The following SLC17A8 variants were observed in gnomAD, a reference collection of about 807,000 sequenced individuals.
SLC17A8 encodes the protein solute carrier family 17 member 8.
In SLC17A8, 31 loss-of-function variants were observed where a neutral mutation model predicts 58.0. That is an observed-to-expected ratio of 0.53 (90% CI 0.40 to 0.72). SLC17A8 has a LOEUF of 0.72. Among genes scored for constraint, SLC17A8 ranks in the 30% least tolerant of loss-of-function variants. The probability of loss-of-function intolerance (pLI) is 0.00; values close to 1 mark genes in which losing one functional copy is unlikely to be tolerated. For synonymous variants in SLC17A8, 228 were observed against 249.0 expected (o/e 0.92, Z 0.79); for missense variants, 655 against 727.8 (o/e 0.90, Z 1.15).
intron 5 of SLC17A8, among the ~76,000 whole-genome samples, chr12:100,400,411 TAC>T (rs540665845): frequency 1.3e-5 from 2 of 152,304 alleles, no homozygotes; most frequent in East Asian, 3.9e-4. Context: ...CATCTTCACA[TAC>T]ATAGTTTATT....
rs2136007216 is a variant in SLC17A8, at chr12:100,404,081, T to C, written c.1097T>C (p.Val366Ala). Residue 366 changes from valine (V) to alanine (A), a missense_variant, in exon 9 of 12, where the codon GTT becomes GCT. Transcript: ENST00000323346. ...GTCCCACACATGGTTATGACAATCG[T>C]TGTACCTATTGGAGGACAATTGGCT... ...SAVPHMVMTI[V>A]VPIGGQLADY... is the part of the protein sequence containing the mutation. The C allele has an allele frequency of 6.2e-7, 1 of 1,614,204 alleles. No individual in the cohort carries two copies. Among genetic ancestry groups the C allele is most frequent in the Non-Finnish European group, 8.5e-7 (1 of 1,180,028 alleles).
At chr12:100,414,335 A>G (rs1019986319) in intron 10 of SLC17A8, among the ~76,000 whole-genome samples, 4 of 152,244 alleles carry the variant, frequency 2.6e-5, no homozygotes, top group Non-Finnish European at 4.4e-5. Flanking sequence ...AATAGAGTTG[A>G]TGAATAAATT....
rs1162222504 is a variant in SLC17A8, at chr12:100,396,335, G to GTCAC, written c.594_595insTCAC (p.Thr199SerfsTer12). On this transcript the variant is annotated frameshift_variant, in exon 5 of 12. Coordinates refer to ENST00000323346, the MANE Select transcript of SLC17A8 (RefSeq NM_139319.3). LOFTEE classifies it high-confidence loss of function. ...ATTTTCAACTCTTCTGCCAGGGTGT[G>GTCAC]ACCTACCCAGCCTGCCATGGGATGT... The GTCAC allele has an allele frequency of 6.2e-7, 1 of 1,613,908 alleles. No homozygotes were observed. The highest frequency in any genetic ancestry group is 8.5e-7 in the Non-Finnish European group (1 of 1,179,848).
intron 2 of SLC17A8, among the ~76,000 whole-genome samples, chr12:100,383,755 G>C (rs1952653153): frequency 6.6e-6 from 1 of 151,284 alleles, no homozygotes; most frequent in African/African-American, 2.4e-5. Context: ...CCAGGCTTTA[G>C]TGAAGTGGTG....
intron 10 of SLC17A8, among the ~76,000 whole-genome samples, chr12:100,416,201 T>C (rs1952905635): frequency 6.6e-6 from 1 of 152,246 alleles, no homozygotes; most frequent in Admixed American, 6.5e-5. Context: ...GTCAGGATTG[T>C]GCAGCTAGAA....
At chr12:100,391,144 T>C (rs1375690025) in intron 3 of SLC17A8, 25 bp downstream of exon 3, 2 of 1,462,330 alleles carry the variant, frequency 1.4e-6, no homozygotes, top group East Asian at 2.3e-5. Flanking sequence ...TATAACATGA[T>C]ACAAACCAAT....
chr12:100,370,776 T>C (rs1338314561), intron 1 of SLC17A8, among the ~76,000 whole-genome samples: 1 of 152,240 alleles, frequency 6.6e-6, no homozygotes, highest in Non-Finnish European at 1.5e-5. Context: ...GTTCATCTAA[T>C]GATCCCTGCT....
chr12:100,417,286 T>C (rs535664213), intron 10 of SLC17A8, among the ~76,000 whole-genome samples: 1 of 152,296 alleles, frequency 6.6e-6, no homozygotes, highest in Non-Finnish European at 1.5e-5. Context: ...GTAGTAGTAG[T>C]GGTAGTTAGC....
In SLC17A8 at chr12:100,404,012, C is replaced by T. The variant is rs7974984; in HGVS notation, c.1054-26C>T. On this transcript the variant is annotated intron_variant, in intron 8 of 11. Coordinates refer to ENST00000323346, the MANE Select transcript of SLC17A8 (RefSeq NM_139319.3). ...CCCCTCTCTCAGAAATAATGACAAA[C>T]TGCTTACTGTTTCTTTCCCTTCCAG... 8 of 1,613,956 alleles carry T rather than the reference C, an allele frequency of 5.0e-6. No homozygotes were observed. In the Admixed American group the frequency reaches 1.2e-4, roughly 24 times the overall value.
rs538284690 is a variant in SLC17A8, at chr12:100,386,878, G to A, written c.355-4123G>A. 9.9e-5 allele frequency among the ~76,000 whole-genome samples: 15 copies of A among 152,018 alleles called. No individual in the cohort carries two copies. In the South Asian group the frequency reaches 2.7e-3, roughly 27 times the overall value. On this transcript the variant is annotated intron_variant, in intron 2 of 11. Coordinates refer to ENST00000323346, the MANE Select transcript of SLC17A8 (RefSeq NM_139319.3). ...TAATTTTTATATTTTTAGTAGAGAC[G>A]GGGTTTCACCACATTGGCCAGGCTG...
At chr12:100,401,984 A>G (rs920239457) in intron 6 of SLC17A8, 121 bp downstream of exon 6, 6 of 817,552 alleles carry the variant, frequency 7.3e-6, no homozygotes, top group Non-Finnish European at 1.3e-5. Context: ...TTTATTGTAT[A>G]AATGGAATAC....
At chr12:100,392,651 C>T (rs1320944303) in intron 3 of SLC17A8, among the ~76,000 whole-genome samples, 1 of 152,142 alleles carries the variant, frequency 6.6e-6, no homozygotes, top group African/African-American at 2.4e-5. Context: ...AATCTAATTT[C>T]CCAGCACATA....
chr12:100,380,037 GA>G (rs1210971863), intron 1 of SLC17A8, among the ~76,000 whole-genome samples: 1 of 151,732 alleles, frequency 6.6e-6, no homozygotes, highest in Non-Finnish European at 1.5e-5. Context: ...CGTCTCTACT[GA>G]AAATACAAAA....
At chr12:100,403,981 G>A (rs1952808879) in intron 8 of SLC17A8, 57 bp from the exon 9 acceptor site, 1 of 1,608,414 alleles carries the variant, frequency 6.2e-7, no homozygotes, top group Non-Finnish European at 8.5e-7. Flanking sequence ...AAGGGAATTA[G>A]GGAGGCCCCT....
chr12:100,392,075 T>G (rs1952720705), intron 3 of SLC17A8, among the ~76,000 whole-genome samples: 1 of 152,136 alleles, frequency 6.6e-6, no homozygotes, highest in East Asian at 1.9e-4. Context: ...GGGGAGATGT[T>G]GTAGAATGTA....
Position 100,401,874 on chromosome 12 carries a change from T to A in SLC17A8, c.763+11T>A, listed in dbSNP as rs1324736385. On this transcript the variant is annotated intron_variant, in intron 6 of 11. Transcript: ENST00000323346. ...TCTTTTATATTTATGGTGAGTGATT[T>A]GACTTCACAAGTTCACATGTGACTC... The A allele has an allele frequency of 6.2e-7, 1 of 1,608,162 alleles. No homozygotes were observed. Among genetic ancestry groups the A allele is most frequent in the Non-Finnish European group, 8.5e-7 (1 of 1,174,662 alleles).
At chr12:100,403,714 A>T (rs1593003711) in intron 8 of SLC17A8, among the ~76,000 whole-genome samples, 1 of 152,300 alleles carries the variant, frequency 6.6e-6, no homozygotes, top group Middle Eastern at 3.4e-3. Flanking sequence ...ATAATCATGA[A>T]ATGGTGGCTG....
chr12:100,385,138 G>C (rs1436978264), intron 2 of SLC17A8, among the ~76,000 whole-genome samples: 3 of 151,338 alleles, frequency 2.0e-5, no homozygotes, highest in Non-Finnish European at 4.4e-5. Flanking sequence ...GTGTGTGAGA[G>C]AGAGAGAGAG....
Position 100,420,046 on chromosome 12 carries a change from C to T in SLC17A8, c.1657C>T (p.Gln553Ter), listed in dbSNP as rs1293533374. The T allele has an allele frequency of 2.5e-6, 4 of 1,613,954 alleles. No individual in the cohort carries two copies. The highest frequency in any genetic ancestry group is 3.4e-6 in the Non-Finnish European group (4 of 1,180,004). ...GAAGATGTCTTATGGAGCCACCTCC[C>T]AGAATTGTGAAGTCCAGAAGAAGGA... ...KKKMSYGATS[Q>*]NCEVQKKEWK... is the part of the protein sequence containing the mutation. Residue 553 changes from glutamine to a stop codon, truncating the protein, a stop_gained, in exon 12 of 12, where the codon CAG (glutamine) becomes TAG (stop). Transcript: ENST00000323346. LOFTEE classifies it low-confidence loss of function (END_TRUNC).
Sources: allele counts gnomAD v4.1 joint callset (sites outside exome capture counted in the v4.1 genomes callset), GRCh38; gene constraint gnomAD v4.1.1; transcripts MANE v1.5; gene names NCBI Gene and HGNC (gene_info 2026-07-23, HGNC 2026-07-21).